Variants in SEMA3A observed in about 807,000 individuals in gnomAD.
SEMA3A encodes semaphorin-3A.
SEMA3A carries 29 observed loss-of-function variants against 97.9 expected under a neutral mutation model. The observed-to-expected ratio is 0.30, with a 90% CI of 0.22 to 0.40. SEMA3A has a LOEUF of 0.40. Among genes scored for constraint, SEMA3A ranks in the 10% least tolerant of loss-of-function variants. SEMA3A has a pLI of 1.00. For missense variants in SEMA3A, 763 were observed against 951.3 expected, an observed-to-expected ratio of 0.80 and a Z score of 2.60; for synonymous variants, 321 against 323.7, an observed-to-expected ratio of 0.99 and a Z score of 0.09.
At chr7:84,456,494 A>G (rs752960526) in intron 1 of SEMA3A, among the ~76,000 whole-genome samples, 9 of 151,920 alleles carry the variant, frequency 5.9e-5, no homozygotes, top group Non-Finnish European at 1.3e-4. Context: ...TGGGCCAGAT[A>G]TCAAATGATA....
chr7:84,218,666 T>A (rs938649924), intron 3 of SEMA3A, among the ~76,000 whole-genome samples: 1 of 152,112 alleles, frequency 6.6e-6, no homozygotes, highest in African/African-American at 2.4e-5. Context: ...TTCTTAAAAA[T>A]AAATAATGCA....
intron 1 of SEMA3A, among the ~76,000 whole-genome samples, chr7:84,405,276 C>G (rs966818837): frequency 6.6e-6 from 1 of 152,182 alleles, no homozygotes; most frequent in East Asian, 1.9e-4. Flanking sequence ...TTTAAACCAA[C>G]AAAGATCAAA....
chr7:84,179,775 G>T (rs1797680987), intron 1 of SEMA3A, among the ~76,000 whole-genome samples: 1 of 151,732 alleles, frequency 6.6e-6, no homozygotes, highest in Admixed American at 6.6e-5. Flanking sequence ...ATGAGAAAGA[G>T]AACAATAAGT....
At chr7:84,188,964 A>G (rs1354052643) in intron 1 of SEMA3A, among the ~76,000 whole-genome samples, 1 of 151,864 alleles carries the variant, frequency 6.6e-6, no homozygotes, top group African/African-American at 2.4e-5. Flanking sequence ...TATTCTGTGC[A>G]TATTTACCCT....
chr7:84,457,620 CATA>C (rs760267919), intron 1 of SEMA3A, among the ~76,000 whole-genome samples: 1 of 151,884 alleles, frequency 6.6e-6, no homozygotes, highest in Non-Finnish European at 1.5e-5. Context: ...GATTAAAAAA[CATA>C]ATATCAAATG....
chr7:84,283,152 G>A (rs1045843412), intron 3 of SEMA3A, among the ~76,000 whole-genome samples: 4 of 151,826 alleles, frequency 2.6e-5, no homozygotes, highest in South Asian at 2.1e-4. Context: ...TAAAGGTTAC[G>A]AACAGTAAGA....
chr7:84,131,771 A>T (rs1050574618), intron 2 of SEMA3A, among the ~76,000 whole-genome samples: 2 of 148,904 alleles, frequency 1.3e-5, no homozygotes, highest in Non-Finnish European at 3.0e-5. Context: ...GTATAAACAA[A>T]TTATTTATTT....
chr7:84,131,813 G>A (rs1478602325), intron 2 of SEMA3A, among the ~76,000 whole-genome samples: 4 of 150,176 alleles, frequency 2.7e-5, no homozygotes, highest in East Asian at 2.0e-4. Context: ...TTTATTTTGC[G>A]ACAAGGTCTC....
intron 1 of SEMA3A, among the ~76,000 whole-genome samples, chr7:84,422,052 C>A (rs1228963): frequency 0.18 from 26,976 of 151,994 alleles, 2,552 homozygotes; most frequent in Middle Eastern, 0.23. Flanking sequence ...AGAGAGGAAT[C>A]TTTCTTTTTT....
chr7:84,009,993 G>A (rs998612638), intron 9 of SEMA3A, among the ~76,000 whole-genome samples: 1 of 149,246 alleles, frequency 6.7e-6, no homozygotes, highest in Non-Finnish European at 1.5e-5. Flanking sequence ...TAATGGTGAA[G>A]ACTTTTGTTT....
chr7:84,150,059 A>G (rs1014515026), intron 1 of SEMA3A, among the ~76,000 whole-genome samples: 5 of 152,216 alleles, frequency 3.3e-5, no homozygotes, highest in Non-Finnish European at 7.3e-5. Context: ...CTTTGTAACA[A>G]TATTGTCATT....
In SEMA3A at chr7:84,055,367, G is replaced by A. The variant is rs112726631; in HGVS notation, c.547+5098C>T. Among the ~76,000 whole-genome samples the A allele has an allele frequency of 4.8e-3, 727 of 152,290 alleles. 4 individuals carry two copies. Among genetic ancestry groups the A allele is most frequent in the African/African-American group, 0.016 (658 of 41,564 alleles). ...TAGCAATCAGCGAGACTCCGTGGGC[G>A]TAGGACCCTCCCAGCCAGGTGTGGG... On this transcript the variant is annotated intron_variant, in intron 5 of 16. Coordinates refer to ENST00000265362, the MANE Select transcript of SEMA3A (RefSeq NM_006080.3).
At chr7:84,111,934 A>G (rs62474668) in intron 3 of SEMA3A, among the ~76,000 whole-genome samples, 17,997 of 152,144 alleles carry the variant, frequency 0.12, 1,420 homozygotes, top group Non-Finnish European at 0.17. Flanking sequence ...AAACAGATAT[A>G]ACTTAACTTC....
intron 3 of SEMA3A, among the ~76,000 whole-genome samples, chr7:84,234,736 C>T (rs1170775394): frequency 6.6e-6 from 1 of 152,034 alleles, no homozygotes. Context: ...ATTCCTTTTA[C>T]ATTTAATAGC....
chr7:83,965,396 G>A (rs1584484488), intron 15 of SEMA3A, among the ~76,000 whole-genome samples: 1 of 151,168 alleles, frequency 6.6e-6, no homozygotes, highest in African/African-American at 2.4e-5. Context: ...TTTATCAACA[G>A]CCATGTCTCC....
At chr7:84,141,572 T>C (rs988329351) in intron 1 of SEMA3A, among the ~76,000 whole-genome samples, 1 of 152,184 alleles carries the variant, frequency 6.6e-6, no homozygotes, top group Non-Finnish European at 1.5e-5. Flanking sequence ...GGTAAACGTA[T>C]GTCATGGGGG....
intron 6 of SEMA3A, among the ~76,000 whole-genome samples, chr7:84,024,703 T>C (rs1179220942): frequency 2.6e-5 from 4 of 152,242 alleles, no homozygotes; most frequent in East Asian, 1.9e-4. Context: ...AAGCATATTA[T>C]TGGTCTTCAA....
At chr7:84,446,319 A>C (rs1363879756) in intron 1 of SEMA3A, among the ~76,000 whole-genome samples, 2 of 152,218 alleles carry the variant, frequency 1.3e-5, no homozygotes, top group African/African-American at 4.8e-5. Flanking sequence ...ATTAAATAAC[A>C]TTCTATGAGG....
chr7:84,123,206 A>G (rs1411706350), intron 3 of SEMA3A, among the ~76,000 whole-genome samples: 4 of 152,138 alleles, frequency 2.6e-5, no homozygotes, highest in Non-Finnish European at 5.9e-5. Context: ...AATGAAGTTA[A>G]TCCATCAATA....
Sources: gnomAD v4.1 joint callset for allele counts (sites outside exome capture counted in the v4.1 genomes callset) on GRCh38, gnomAD v4.1.1 for gene constraint, MANE v1.5 for transcripts, NCBI Gene and HGNC (gene_info 2026-07-23, HGNC 2026-07-21) for gene names.